CD9: variants seen among roughly 807,000 people sequenced by gnomAD.
The protein encoded by CD9 is CD9 antigen.
CD9 carries 10 observed loss-of-function variants against 31.4 expected under a neutral mutation model. The observed-to-expected ratio is 0.32, with a 90% CI of 0.20 to 0.54. CD9 has a LOEUF of 0.54. CD9 is among the 20% of genes least tolerant of loss of function. The pLI, the probability that CD9 is intolerant of heterozygous loss-of-function variation, is 0.94. For missense variants in CD9, 259 were observed against 300.1 expected (o/e 0.86, Z 1.01); for synonymous variants, 113 against 114.1 (o/e 0.99, Z 0.06).
intron 5 of CD9, 32 bp from the exon 6 acceptor site, chr12:6,235,444 C>A: frequency 5.6e-6 from 9 of 1,613,492 alleles, no homozygotes; most frequent in Non-Finnish European, 7.6e-6. Flanking sequence ...CAATTTGTTT[C>A]TCTCATCCCC....
intron 1 of CD9, among the ~76,000 whole-genome samples, chr12:6,201,959 G>C (rs1946082925): frequency 6.6e-6 from 1 of 152,232 alleles, no homozygotes; most frequent in African/African-American, 2.4e-5. Context: ...GATGGCATGA[G>C]CCTGGGAGGT....
chr12:6,225,300 G>A (rs995666738), intron 1 of CD9, 126 bp from the exon 2 acceptor site: 1 of 673,798 alleles, frequency 1.5e-6, no homozygotes. Context: ...ACAACTACCA[G>A]GCGTATATGA....
At chr12:6,225,828 A>T in intron 2 of CD9, 1 of 373,864 alleles carries the variant, frequency 2.7e-6, no homozygotes, top group South Asian at 3.6e-5. Flanking sequence ...GGGTTTACGA[A>T]CCTCTGTTCT....
At chr12:6,225,337 A>G (rs1004578966) in intron 1 of CD9, 89 bp from the exon 2 acceptor site, 2 of 828,874 alleles carry the variant, frequency 2.4e-6, no homozygotes, top group African/African-American at 3.3e-5. Context: ...GTGGTCACAA[A>G]GTCCTTTGCA....
chr12:6,206,900 AT>A (rs541948925), intron 1 of CD9, among the ~76,000 whole-genome samples: 1,693 of 137,074 alleles, frequency 0.012, 15 homozygotes, highest in African/African-American at 0.028. Flanking sequence ...GCCCATAGAC[AT>A]TTTTTTTTTT....
chr12:6,231,098 T>A (rs1946440483), intron 2 of CD9, among the ~76,000 whole-genome samples: 3 of 152,174 alleles, frequency 2.0e-5, no homozygotes, highest in Admixed American at 2.0e-4. Context: ...TGGGGAAACA[T>A]CACAGACTTT....
At chr12:6,229,780 G>A (rs531221997) in intron 2 of CD9, among the ~76,000 whole-genome samples, 1 of 151,872 alleles carries the variant, frequency 6.6e-6, no homozygotes, top group East Asian at 1.9e-4. Flanking sequence ...CTTGTGTAAA[G>A]GACACGCTGG....
intron 2 of CD9, among the ~76,000 whole-genome samples, chr12:6,229,972 A>T (rs934564694): frequency 2.4e-4 from 36 of 152,210 alleles, no homozygotes; most frequent in Non-Finnish European, 1.0e-4. Context: ...CGCTTGTTTT[A>T]TAAAGGGGAA....
chr12:6,215,613 C>T (rs1443243293), intron 1 of CD9, among the ~76,000 whole-genome samples: 1 of 152,178 alleles, frequency 6.6e-6, no homozygotes, highest in Non-Finnish European at 1.5e-5. Context: ...TGCCTTCAGA[C>T]AGTGGCTCGG....
intron 1 of CD9, among the ~76,000 whole-genome samples, chr12:6,206,876 G>T (rs1180080701): frequency 6.6e-6 from 1 of 151,134 alleles, no homozygotes; most frequent in African/African-American, 2.4e-5. Context: ...AAAATGTTAT[G>T]TCTGTTTCTG....
chr12:6,207,764 C>G (rs919733858), intron 1 of CD9, among the ~76,000 whole-genome samples: 2 of 152,106 alleles, frequency 1.3e-5, no homozygotes, highest in African/African-American at 4.8e-5. Context: ...GGAGAGGGGC[C>G]CGGATTAATG....
At chr12:6,220,212 G>A (rs895940738) in intron 1 of CD9, among the ~76,000 whole-genome samples, 1 of 152,318 alleles carries the variant, frequency 6.6e-6, no homozygotes, top group South Asian at 2.1e-4. Context: ...GAAGCAGCAG[G>A]CTTGGCTTAG....
At chr12:6,222,032 ACAGGGGAGCCCCT>A (rs1946298272) in intron 1 of CD9, among the ~76,000 whole-genome samples, 1 of 152,126 alleles carries the variant, frequency 6.6e-6, no homozygotes, top group African/African-American at 2.4e-5. Context: ...CCGGATGGGG[ACAGGGGAGCCCCT>A]CTATGCCACA....
chr12:6,214,895 G>A (rs536728882), intron 1 of CD9, among the ~76,000 whole-genome samples: 2 of 152,190 alleles, frequency 1.3e-5, no homozygotes, highest in Non-Finnish European at 2.9e-5. Flanking sequence ...TGTGCATTTG[G>A]GAGCCAAACG....
chr12:6,209,257 G>A (rs1450514018), intron 1 of CD9, among the ~76,000 whole-genome samples: 3 of 152,218 alleles, frequency 2.0e-5, no homozygotes, highest in African/African-American at 7.2e-5. Flanking sequence ...ACCGCACCGG[G>A]CTCGTCGTAG....
chr12:6,235,247 G>C lies in CD9; in HGVS notation c.367G>C (p.Glu123Gln). The C allele has an allele frequency of 6.2e-7, 1 of 1,607,210 alleles. No individual in the cohort carries two copies. The highest frequency in any genetic ancestry group is 1.1e-5 in the South Asian group (1 of 91,022). Residue 123 changes from glutamate (E) to glutamine (Q), a missense_variant, in exon 5 of 8, where the codon GAG (glutamate) becomes CAG (glutamine). Transcript: ENST00000009180. ...HKDEVIKEVQEFYKDTYNKLK... is the reference protein window; with the variant it reads ...HKDEVIKEVQQFYKDTYNKLK... ...ATTGTAGGTGATTAAGGAAGTCCAG[G>C]AGTTTTACAAGGACACCTACAACAA...
rs1946476593 is a variant in CD9 at position 6,233,414 on chromosome 12, C to A, written c.276C>A (p.Phe92Leu). 1 of 1,613,692 alleles carries A rather than the reference C, an allele frequency of 6.2e-7. No individual in the cohort carries two copies. The highest frequency in any genetic ancestry group is 1.3e-5 in the African/African-American group (1 of 74,906). The change falls in exon 4 of 8, where the codon TTC becomes TTA. Residue 92 changes from phenylalanine (F) to leucine (L), a missense_variant and splice_region_variant. Phe to Leu is a conservative substitution (Grantham distance 22). Coordinates refer to ENST00000009180, the MANE Select transcript of CD9 (RefSeq NM_001769.4). ...CCCGTCCCCTCGTTGCCTTCCAGTT[C>A]TTCGGCTTCCTCTTGGTGATATTCG... ...VQESQCMLGL[F>L]FGFLLVIFAI... is the part of the protein sequence containing the mutation.
intron 1 of CD9, among the ~76,000 whole-genome samples, chr12:6,216,175 C>A (rs1013914074): frequency 6.6e-6 from 1 of 152,212 alleles, no homozygotes; most frequent in Non-Finnish European, 1.5e-5. Flanking sequence ...ATGGGCGAGG[C>A]CCAGAGCCCA....
intron 1 of CD9, among the ~76,000 whole-genome samples, chr12:6,214,915 A>G (rs1303266063): frequency 1.3e-5 from 2 of 152,202 alleles, no homozygotes; most frequent in East Asian, 1.9e-4. Flanking sequence ...GCAGGTTCCA[A>G]CTTGAGCCCT....
Sources: allele counts gnomAD v4.1 joint callset (sites outside exome capture counted in the v4.1 genomes callset), GRCh38; gene constraint gnomAD v4.1.1; transcripts MANE v1.5; gene names NCBI Gene and HGNC (gene_info 2026-07-23, HGNC 2026-07-21).